The following MAP4K5 variants were observed in gnomAD, a reference collection of about 807,000 sequenced individuals.
The protein encoded by MAP4K5 is MAPK/ERK kinase kinase kinase 5.
A neutral mutation model predicts 135.6 loss-of-function variants in MAP4K5; 82 were observed. The observed-to-expected ratio is 0.60, with a 90% CI of 0.51 to 0.73. MAP4K5 has a LOEUF of 0.73. MAP4K5 is among the 30% of genes least tolerant of loss of function. The pLI is 0.00. For missense variants in MAP4K5, 907 were observed against 1,010.9 expected (o/e 0.90, Z 1.39); for synonymous variants, 347 against 335.0 (o/e 1.04, Z -0.39).
intron 2 of MAP4K5, among the ~76,000 whole-genome samples, chr14:50,541,774 A>T (rs941547820): frequency 6.6e-6 from 1 of 152,002 alleles, no homozygotes; most frequent in Non-Finnish European, 1.5e-5. Flanking sequence ...TAATCCCAGC[A>T]TTTAGGGAGG....
At position 50,419,588 on chromosome 14, in the gene MAP4K5, C is replaced by T. The variant is rs960301672; in HGVS notation, c.*431G>A. 4 of 157,048 alleles carry T rather than the reference C, an allele frequency of 2.5e-5. No homozygotes were observed. The East Asian group carries it at 7.3e-4, about 29-fold the overall frequency. The allele number at this position is 157,048 out of a possible 1,614,324, so 9.7% of individuals were successfully genotyped here. A position where few individuals can be genotyped will look rare whatever the true frequency, so the allele number is the denominator to read the frequency against. ...TGTTTTACAAAAACATACAGAATGG[C>T]CAATATAAAAGTGAAAACCTTGCTT... On this transcript the variant is annotated 3_prime_UTR_variant, in exon 33 of 33. Transcript: ENST00000682126.
intron 11 of MAP4K5, among the ~76,000 whole-genome samples, chr14:50,466,091 ACTGGG>A (rs1314117880): frequency 6.6e-6 from 1 of 151,982 alleles, no homozygotes; most frequent in Non-Finnish European, 1.5e-5. Flanking sequence ...AGAAAGAAAC[ACTGGG>A]CTGGGCACAG....
chr14:50,455,488 A>C (rs1459752019), intron 14 of MAP4K5, among the ~76,000 whole-genome samples: 1 of 152,076 alleles, frequency 6.6e-6, no homozygotes, highest in East Asian at 1.9e-4. Context: ...AGAGAACAGC[A>C]TAAGAAGATA....
At chr14:50,464,205 T>C in intron 11 of MAP4K5, 72 bp from the exon 12 acceptor site, 1 of 730,094 alleles carries the variant, frequency 1.4e-6, no homozygotes. Context: ...TAACATTAAC[T>C]TAGGAACAGT....
chr14:50,522,865 T>C (rs2038180786), intron 2 of MAP4K5, among the ~76,000 whole-genome samples: 1 of 152,244 alleles, frequency 6.6e-6, no homozygotes, highest in South Asian at 2.1e-4. Flanking sequence ...TTCAGATTTT[T>C]AGGCATTGGA....
chr14:50,499,975 T>C (rs2037673473), intron 3 of MAP4K5, among the ~76,000 whole-genome samples: 1 of 152,104 alleles, frequency 6.6e-6, no homozygotes, highest in Non-Finnish European at 1.5e-5. Context: ...TCCAACAATA[T>C]TCAAGGGAAA....
intron 14 of MAP4K5, among the ~76,000 whole-genome samples, chr14:50,453,760 C>T (rs551440604): frequency 7.9e-5 from 12 of 152,216 alleles, no homozygotes; most frequent in African/African-American, 2.6e-4. Flanking sequence ...TGCATTAAGT[C>T]ATCATTTAAA....
At chr14:50,466,023 G>A (rs911678475) in intron 11 of MAP4K5, among the ~76,000 whole-genome samples, 3 of 152,068 alleles carry the variant, frequency 2.0e-5, no homozygotes, top group South Asian at 2.1e-4. Flanking sequence ...GCATTGAGCC[G>A]AGATTGCGCC....
chr14:50,521,767 T>C (rs558795918), intron 2 of MAP4K5, among the ~76,000 whole-genome samples: 1 of 152,350 alleles, frequency 6.6e-6, no homozygotes, highest in African/African-American at 2.4e-5. Context: ...TGAGAGATTA[T>C]ATTTAACAGA....
intron 30 of MAP4K5, among the ~76,000 whole-genome samples, chr14:50,427,475 A>C (rs191923811): frequency 6.6e-6 from 1 of 152,330 alleles, no homozygotes; most frequent in Admixed American, 6.5e-5. Context: ...TTTGTGGATA[A>C]AACTCCAATT....
chr14:50,493,364 T>C (rs544779531), intron 3 of MAP4K5, among the ~76,000 whole-genome samples: 3 of 152,360 alleles, frequency 2.0e-5, no homozygotes, highest in South Asian at 2.1e-4. Flanking sequence ...GTAAGTACTA[T>C]ACTTATGAAG....
At chr14:50,472,364 C>T (rs750831226) in intron 9 of MAP4K5, 4 of 152,174 alleles carry the variant, frequency 2.6e-5, no homozygotes, top group Non-Finnish European at 5.9e-5. Flanking sequence ...ATTCAATTAT[C>T]TGAGTTATCT....
intron 32 of MAP4K5, 134 bp downstream of exon 32, chr14:50,422,987 A>C: frequency 3.8e-6 from 2 of 520,930 alleles, no homozygotes; most frequent in Non-Finnish European, 7.0e-6. Flanking sequence ...TCTCTCAGTA[A>C]AGACACAGAG....
At chr14:50,434,823 AC>A (rs1242491569) in intron 27 of MAP4K5, 138 bp downstream of exon 27, 2 of 646,898 alleles carry the variant, frequency 3.1e-6, no homozygotes, top group East Asian at 5.6e-5. Flanking sequence ...GAACACAAAA[AC>A]CTCTAAATCA....
chr14:50,430,353 G>T (rs1359310324), intron 28 of MAP4K5, among the ~76,000 whole-genome samples: 1 of 152,096 alleles, frequency 6.6e-6, no homozygotes, highest in African/African-American at 2.4e-5. Context: ...ATTGCTAATT[G>T]GCCACTGTGA....
chr14:50,475,177 A>G, intron 8 of MAP4K5, 28 bp from the exon 9 acceptor site: 3 of 1,563,822 alleles, frequency 1.9e-6, no homozygotes, highest in Non-Finnish European at 2.6e-6. Flanking sequence ...AGAAAATTTT[A>G]GTTCTTTACA....
intron 2 of MAP4K5, among the ~76,000 whole-genome samples, chr14:50,517,403 C>T (rs1378631209): frequency 2.6e-5 from 4 of 151,806 alleles, no homozygotes; most frequent in South Asian, 2.1e-4. Flanking sequence ...TCGCTCACCT[C>T]GGCCTCCCAA....
intron 30 of MAP4K5, 113 bp from the exon 31 acceptor site, chr14:50,426,090 T>A: frequency 1.6e-6 from 1 of 632,754 alleles, no homozygotes; most frequent in East Asian, 2.8e-5. Flanking sequence ...AGTGCAAAAT[T>A]CCACTGTCTA....
At chr14:50,480,403 C>CTT (rs11412178) in intron 6 of MAP4K5, among the ~76,000 whole-genome samples, 218 of 143,364 alleles carry the variant, frequency 1.5e-3, no homozygotes, top group Middle Eastern at 7.1e-3. Context: ...CTCATTCTTT[C>CTT]TTTTTTTTTT....
Sources: gnomAD v4.1 joint callset for allele counts (sites outside exome capture counted in the v4.1 genomes callset) on GRCh38, gnomAD v4.1.1 for gene constraint, MANE v1.5 for transcripts, NCBI Gene and HGNC (gene_info 2026-07-23, HGNC 2026-07-21) for gene names.